FTO: variants seen among roughly 807,000 people sequenced by gnomAD.
The protein encoded by FTO is FTO alpha-ketoglutarate dependent dioxygenase, also known as alpha-ketoglutarate-dependent dioxygenase FTO.
FTO carries 47 observed loss-of-function variants against 63.9 expected under a neutral mutation model. That is an observed-to-expected ratio of 0.74 (90% CI 0.58 to 0.94). The LOEUF is 0.94. Among genes scored for constraint, FTO ranks in the 40% least tolerant of loss-of-function variants. The pLI is 0.00. For missense variants in FTO, 562 were observed against 618.1 expected, an observed-to-expected ratio of 0.91 and a Z score of 0.96; for synonymous variants, 207 against 224.4, an observed-to-expected ratio of 0.92 and a Z score of 0.69.
chr16:53,726,175 C>G (rs190114030), intron 1 of FTO, among the ~76,000 whole-genome samples: 1 of 151,782 alleles, frequency 6.6e-6, no homozygotes, highest in African/African-American at 2.4e-5. Flanking sequence ...ATTTTATAAA[C>G]ACTCTAAAAA....
chr16:53,953,206 A>G (rs1276591706), intron 8 of FTO, among the ~76,000 whole-genome samples: 1 of 152,356 alleles, frequency 6.6e-6, no homozygotes, highest in South Asian at 2.1e-4. Context: ...ATTGTAGTCT[A>G]CAACCATTTA....
intron 1 of FTO, among the ~76,000 whole-genome samples, chr16:53,755,547 A>G (rs1038130666): frequency 1.3e-5 from 2 of 152,238 alleles, no homozygotes; most frequent in Admixed American, 6.5e-5. Flanking sequence ...ATTTGTTTGA[A>G]TGAAATCATC....
intron 1 of FTO, among the ~76,000 whole-genome samples, chr16:53,771,085 C>T (rs911019239): frequency 2.8e-4 from 43 of 152,066 alleles, no homozygotes; most frequent in East Asian, 1.9e-4. Context: ...TAGAGACTTT[C>T]GCGAAAGGGA....
intron 7 of FTO, among the ~76,000 whole-genome samples, chr16:53,897,092 G>T (rs2081296041): frequency 6.6e-6 from 1 of 152,054 alleles, no homozygotes; most frequent in Non-Finnish European, 1.5e-5. Context: ...AGGGAACTGT[G>T]ATCTATTTTT....
intron 1 of FTO, among the ~76,000 whole-genome samples, chr16:53,746,605 T>C (rs528592241): frequency 1.3e-5 from 2 of 152,178 alleles, no homozygotes; most frequent in Non-Finnish European, 2.9e-5. Context: ...TTGTAAATAT[T>C]ATGGGATGCA....
intron 1 of FTO, among the ~76,000 whole-genome samples, chr16:53,731,233 AAATCT>A (rs2076263136): frequency 6.6e-6 from 1 of 152,214 alleles, no homozygotes; most frequent in African/African-American, 2.4e-5. Flanking sequence ...AGGAAGAACA[AAATCT>A]AGTTTTGAAC....
Position 53,769,901 on chromosome 16 carries a change from C to T in FTO, c.46-40239C>T, listed in dbSNP as rs190930907. ...TTTCTAAGGTCACCTTAGGTTATCTCTATTCCAGCCAGCAAGAAGGGGAAA... is the reference window on the plus strand; with the variant it reads ...TTTCTAAGGTCACCTTAGGTTATCTTTATTCCAGCCAGCAAGAAGGGGAAA... On this transcript the variant is annotated intron_variant, in intron 1 of 8. Transcript: ENST00000471389. Among the ~76,000 whole-genome samples, 85 of 152,218 alleles carry T rather than the reference C, an allele frequency of 5.6e-4. No homozygotes were observed. The East Asian group carries it at 0.016, about 29-fold the overall frequency.
At chr16:54,097,000 G>C (rs752129275) in intron 8 of FTO, among the ~76,000 whole-genome samples, 18 of 152,208 alleles carry the variant, frequency 1.2e-4, no homozygotes, top group Non-Finnish European at 2.4e-4. Flanking sequence ...TTAAGGCCTT[G>C]GCACTAGCTG....
chr16:53,961,451 T>C (rs1477524878), intron 8 of FTO, among the ~76,000 whole-genome samples: 1 of 152,210 alleles, frequency 6.6e-6, no homozygotes, highest in Non-Finnish European at 1.5e-5. Context: ...TTTTTCTTTA[T>C]GGTAATTGCT....
chr16:53,863,948 T>C (rs1278726172), intron 4 of FTO, among the ~76,000 whole-genome samples: 2 of 152,208 alleles, frequency 1.3e-5, no homozygotes, highest in Non-Finnish European at 2.9e-5. Flanking sequence ...CTTTCTCTAA[T>C]ATATAGTGCC....
At chr16:54,095,130 C>G (rs1230039048) in intron 8 of FTO, among the ~76,000 whole-genome samples, 1 of 152,178 alleles carries the variant, frequency 6.6e-6, no homozygotes, top group Non-Finnish European at 1.5e-5. Flanking sequence ...GTTTCAAACT[C>G]CTAAGCTCAA....
chr16:54,037,807 A>G (rs1384632520), intron 8 of FTO, among the ~76,000 whole-genome samples: 1 of 152,232 alleles, frequency 6.6e-6, no homozygotes, highest in African/African-American at 2.4e-5. Flanking sequence ...ATGCTTATAT[A>G]TAGTCATTAT....
intron 8 of FTO, among the ~76,000 whole-genome samples, chr16:54,017,654 C>A (rs1031872133): frequency 6.6e-6 from 1 of 152,122 alleles, no homozygotes; most frequent in Non-Finnish European, 1.5e-5. Flanking sequence ...TATGTGTTAA[C>A]TATTTTTGTT....
chr16:53,764,483 A>AAAAAAAAG (rs1242568841), intron 1 of FTO, among the ~76,000 whole-genome samples: 1 of 151,380 alleles, frequency 6.6e-6, no homozygotes, highest in Non-Finnish European at 1.5e-5. Flanking sequence ...TACAAAAAAA[A>AAAAAAAAG]AAAAAAAAGA....
intron 8 of FTO, among the ~76,000 whole-genome samples, chr16:54,017,111 A>G (rs766965289): frequency 1.2e-4 from 19 of 152,288 alleles, no homozygotes; most frequent in Non-Finnish European, 2.4e-4. Context: ...AAACCTCAAG[A>G]TAGAATTAGA....
chr16:54,023,494 G>A (rs1218658741), intron 8 of FTO, among the ~76,000 whole-genome samples: 1 of 152,144 alleles, frequency 6.6e-6, no homozygotes, highest in Non-Finnish European at 1.5e-5. Context: ...CACACTCGCT[G>A]ACCTCCATGA....
intron 8 of FTO, among the ~76,000 whole-genome samples, chr16:54,050,837 G>C (rs546996143): frequency 2.6e-5 from 4 of 152,104 alleles, no homozygotes; most frequent in African/African-American, 9.6e-5. Context: ...GGAAAAAAAT[G>C]CTCCAACAAA....
chr16:53,946,683 A>G (rs34514888), intron 8 of FTO, among the ~76,000 whole-genome samples: 79,060 of 151,878 alleles, frequency 0.52, 22,335 homozygotes, highest in Middle Eastern at 0.65. Context: ...GAAGCATATG[A>G]CCAGATGCTG....
intron 1 of FTO, among the ~76,000 whole-genome samples, chr16:53,792,938 T>G (rs2077964726): frequency 6.6e-6 from 1 of 152,194 alleles, no homozygotes; most frequent in African/African-American, 2.4e-5. Context: ...GTATTTTCTT[T>G]GGTCATCTAT....
Sources: allele counts gnomAD v4.1 joint callset (sites outside exome capture counted in the v4.1 genomes callset), GRCh38; gene constraint gnomAD v4.1.1; transcripts MANE v1.5; gene names NCBI Gene and HGNC (gene_info 2026-07-23, HGNC 2026-07-21).